Variants in TTN observed in about 807,000 individuals in gnomAD.
TTN encodes titin, also known as connectin.
TTN carries 1,525 observed loss-of-function variants against 3,223.0 expected under a neutral mutation model. The observed-to-expected ratio is 0.47, with a 90% CI of 0.45 to 0.49. The LOEUF (loss-of-function observed/expected upper bound fraction) is 0.49, where lower values mean the gene tolerates loss of function less well. TTN is among the 20% of genes least tolerant of loss of function. The pLI is 0.00. For synonymous variants in TTN, 14,094 were observed against 15,161.0 expected (o/e 0.93, Z 5.17); for missense variants, 40,786 against 43,424.0 (o/e 0.94, Z 5.40).
chr2:178,573,314 T>C lies in TTN; in HGVS notation c.72818A>G (p.Asn24273Ser). 9 of 1,572,608 alleles carry C rather than the reference T, an allele frequency of 5.7e-6. No individual in the cohort carries two copies. Among genetic ancestry groups the C allele is most frequent in the Non-Finnish European group, 7.8e-6 (9 of 1,159,888 alleles). ...TCTTAAATCAGTAAGAGTTTTTTTGTTGCATTTAATCCAGCGTTGGCCAGC... is the reference window on the plus strand; with the variant it reads ...TCTTAAATCAGTAAGAGTTTTTTTGCTGCATTTAATCCAGCGTTGGCCAGC... The part of the protein sequence containing the change: ...DKAGQRWIKC[N>S]KKTLTDLRYK... The change falls in exon 326 of 363, where the codon AAC becomes AGC. Residue 24273 changes from asparagine to serine, a missense_variant. Asn to Ser is a conservative substitution (Grantham distance 46, BLOSUM62 1). Transcript: ENST00000589042.
rs2064778613 is a variant in TTN at position 178,661,764 on chromosome 2, A to G, written c.37280T>C (p.Val12427Ala). 1.2e-6 allele frequency: 2 copies of G among 1,607,626 alleles called. No individual in the cohort carries two copies. Among genetic ancestry groups the G allele is most frequent in the Non-Finnish European group, 1.7e-6 (2 of 1,178,354 alleles). Residue 12427 changes from valine (V) to alanine (A), a missense_variant, in exon 180 of 363, where the codon GTT becomes GCT. Val to Ala is a moderately conservative substitution (Grantham distance 64). Transcript: ENST00000589042. ...CTAAAATCAGTGACAAATACCTTTAACAGGTGGGACTTCAGGCTTTTTAGG... is the reference window on the plus strand; with the variant it reads ...CTAAAATCAGTGACAAATACCTTTAGCAGGTGGGACTTCAGGCTTTTTAGG... Reference protein sequence around the residue: ...APPKKPEVPPVKVPEAPKEVV... With the variant: ...APPKKPEVPPAKVPEAPKEVV...
At chr2:178,661,165 C>T (rs1417440054) in intron 180 of TTN, among the ~76,000 whole-genome samples, 61 of 5,908 alleles carry the variant, frequency 0.01, no homozygotes, top group East Asian at 0.046. Context: ...CCCAGCCATC[C>T]CATTACTGGG....
At position 178,583,890 on chromosome 2, in the gene TTN, A is replaced by C. The variant is rs1309504589; in HGVS notation, c.65292T>G (p.Pro21764=). Reference sequence around the variant, plus strand: ...TACTCTTGGTGACATCAATAACCTCAGGTTTCCCAGGAGGATCTAAAACAA... The same window carrying C: ...TACTCTTGGTGACATCAATAACCTCCGGTTTCCCAGGAGGATCTAAAACAA... ...ARMPVDPPGK[P]EVIDVTKSTV... The change falls in exon 312 of 363, where the codon CCT becomes CCG. Residue 21764 remains proline (P), a synonymous_variant. Coordinates refer to ENST00000589042, the MANE Select transcript of TTN (RefSeq NM_001267550.2). 6.3e-7 allele frequency: 1 copy of C among 1,579,980 alleles called. No homozygotes were observed. Among genetic ancestry groups the C allele is most frequent in the Non-Finnish European group, 8.6e-7 (1 of 1,159,476 alleles).
In TTN at chr2:178,598,670, A is replaced by G. The variant is rs767459651; in HGVS notation, c.56963-16T>C. ...CCAGGAGGGGCTGCAAAGAGCCAGT[A>G]TACGTTAGTATTCTTGACTTTTCCA... On this transcript the variant is annotated splice_polypyrimidine_tract_variant and intron_variant, in intron 291 of 362. Transcript: ENST00000589042. The G allele has an allele frequency of 2.1e-5, 34 of 1,602,528 alleles. No individual in the cohort carries two copies. Among genetic ancestry groups the G allele is most frequent in the Non-Finnish European group, 2.9e-5 (34 of 1,176,850 alleles).
At chr2:178,796,080 T>G (rs1336571416) in intron 6 of TTN, among the ~76,000 whole-genome samples, 2 of 152,218 alleles carry the variant, frequency 1.3e-5, no homozygotes, top group Non-Finnish European at 1.5e-5. Context: ...GCTTTTTAGG[T>G]GTATCCAAAG....
chr2:178,757,227 A>ATACTGTACTTGCTTTAAGTAAAGTAAG (rs1553968975), intron 45 of TTN, among the ~76,000 whole-genome samples: 1 of 150,194 alleles, frequency 6.7e-6, no homozygotes, highest in Admixed American at 6.6e-5. Flanking sequence ...ACAGTAAGTA[A>ATACTGTACTTGCTTTAAGTAAAGTAAG]TAATCAGCAA....
In TTN at chr2:178,594,486, A is replaced by G. The variant is rs770525693; in HGVS notation, c.58008T>C (p.Asn19336=). ...TGTATTTTCTGCTAAGCAAGTTGTC[A>G]TTTGTAACTTTGTGGAACTTCTCAG... ...IGTEKFHKVT[N]DNLLSRKYTV... is the part of the protein sequence containing the mutation. Residue 19336 remains asparagine, a synonymous_variant, in exon 296 of 363, where the codon AAT becomes AAC. Transcript: ENST00000589042. The G allele has an allele frequency of 1.7e-5, 27 of 1,613,220 alleles. No individual in the cohort carries two copies. Among genetic ancestry groups the G allele is most frequent in the African/African-American group, 5.3e-5 (4 of 74,880 alleles).
At chr2:178,651,395 C>G (rs2062923552) in intron 207 of TTN, 58 bp downstream of exon 207, 3 of 1,601,770 alleles carry the variant, frequency 1.9e-6, no homozygotes, top group South Asian at 1.1e-5. Context: ...AGAACAAAAC[C>G]CTTTTAGAAG....
At chr2:178,596,076 C>T (rs1170313525) in intron 294 of TTN, among the ~76,000 whole-genome samples, 16 of 150,926 alleles carry the variant, frequency 1.1e-4, no homozygotes, top group African/African-American at 3.4e-4. Context: ...CTGCAACCTC[C>T]GCTTCCCAGG....
At position 178,585,339 on chromosome 2, in the gene TTN, T is replaced by A. The variant is rs2048689214; in HGVS notation, c.64405A>T (p.Lys21469Ter). 1 of 1,572,880 alleles carries A rather than the reference T, an allele frequency of 6.4e-7. No homozygotes were observed. Among genetic ancestry groups the A allele is most frequent in the South Asian group, 1.2e-5 (1 of 83,878 alleles). Residue 21469 changes from lysine (K) to a stop codon, truncating the protein, a stop_gained, in exon 309 of 363, where the codon AAG (lysine) becomes TAG (stop). Coordinates refer to ENST00000589042, the MANE Select transcript of TTN (RefSeq NM_001267550.2). LOFTEE classifies it high-confidence loss of function. ...YEAKEQLLPP[K>*]ILMPEQITIK... ...GTTATTTGCTCTGGCATAAGGATCTTTGGTGGCACTGAAAGTAAAATGAAA... is the reference window on the plus strand; with the variant it reads ...GTTATTTGCTCTGGCATAAGGATCTATGGTGGCACTGAAAGTAAAATGAAA...
At chr2:178,751,779 T>A in intron 47 of TTN, 1 of 1,613,234 alleles carries the variant, frequency 6.2e-7, no homozygotes. Flanking sequence ...ATGGGCCGAT[T>A]GTTATGAAAC....
chr2:178,710,660 A>G lies in TTN; in HGVS notation c.28437T>C (p.Ser9479=). The G allele has an allele frequency of 6.2e-7, 1 of 1,612,528 alleles. No individual in the cohort carries two copies. Among genetic ancestry groups the G allele is most frequent in the Admixed American group, 1.7e-5 (1 of 60,014 alleles). Residue 9479 remains serine, a synonymous_variant, in exon 98 of 363, where the codon TCT becomes TCC. Transcript: ENST00000589042. ...CYAVNEVGKD[S]CTAQLNIKER... is the part of the protein sequence containing the mutation. Reference sequence around the variant, plus strand: ...CTTTTATATTCAGCTGAGCTGTGCAAGAGTCTTTTCCCACTTCATTCACAG... The same window carrying G: ...CTTTTATATTCAGCTGAGCTGTGCAGGAGTCTTTTCCCACTTCATTCACAG...
At position 178,632,394 on chromosome 2, in the gene TTN, G is replaced by T; in HGVS notation, c.43500C>A (p.Leu14500=). 1 of 1,592,460 alleles carries T rather than the reference G, an allele frequency of 6.3e-7. No individual in the cohort carries two copies. The highest frequency in any genetic ancestry group is 8.5e-7 in the Non-Finnish European group (1 of 1,170,756). Residue 14500 remains leucine, a synonymous_variant, in exon 236 of 363, where the codon CTC becomes CTA. Coordinates refer to ENST00000589042, the MANE Select transcript of TTN (RefSeq NM_001267550.2). ...LIIEGIRLKF[L]TPLKDVTAKE... ...TGGCAGTTACATCTTTGAGAGGGGT[G>T]AGGAATTTGAGCCGGATTCCTATCA...
In TTN at chr2:178,735,984, G is replaced by A. The variant is rs1358712791; in HGVS notation, c.14462C>T (p.Thr4821Ile). ...CTGCCAAATGGTTTCTATCACAGGAGTCCCTGTCACTGTGCAGATGAACTT... is the reference window on the plus strand; with the variant it reads ...CTGCCAAATGGTTTCTATCACAGGAATCCCTGTCACTGTGCAGATGAACTT... Reference protein sequence around the residue: ...AAKFICTVTGTPVIETIWQKD... With the variant: ...AAKFICTVTGIPVIETIWQKD... Residue 4821 changes from threonine (T) to isoleucine (I), a missense_variant, in exon 50 of 363, where the codon ACT (threonine) becomes ATT (isoleucine). Physicochemically the swap from Thr to Ile is moderately conservative, Grantham distance 89. Transcript: ENST00000589042. The A allele has an allele frequency of 6.2e-7, 1 of 1,613,718 alleles. No individual in the cohort carries two copies. The highest frequency in any genetic ancestry group is 8.5e-7 in the Non-Finnish European group (1 of 1,179,806).
chr2:178,663,971 CAGA>C (rs2065324339), intron 169 of TTN, 41 bp downstream of exon 169: 5 of 1,611,936 alleles, frequency 3.1e-6, no homozygotes, highest in East Asian at 2.2e-5. Context: ...TTGTCAAGAG[CAGA>C]AGAATTAGGT....
chr2:178,638,614 G>GATC (rs1195600223), intron 223 of TTN, among the ~76,000 whole-genome samples: 1 of 150,010 alleles, frequency 6.7e-6, no homozygotes, highest in African/African-American at 2.5e-5. Flanking sequence ...CAGTGGAGAT[G>GATC]ATCATTTTTC....
In TTN at chr2:178,557,033, C is replaced by G; in HGVS notation, c.88121G>C (p.Arg29374Thr). The G allele has an allele frequency of 1.2e-6, 2 of 1,613,812 alleles. No individual in the cohort carries two copies. The highest frequency in any genetic ancestry group is 2.2e-5 in the East Asian group (1 of 44,774). ...GSKITGYIVE[R>T]RDLPDGRWTK... The stretch of plus-strand genomic sequence containing the variant: ...CCATCTGCCATCTGGAAGGTCACGT[C>G]TCTCAACAATGTAGCCTGTAATCTT... The change falls in exon 330 of 363, where the codon AGA becomes ACA. Residue 29374 changes from arginine (R) to threonine (T), a missense_variant. Arg to Thr is a moderately conservative substitution (Grantham distance 71). Coordinates refer to ENST00000589042, the MANE Select transcript of TTN (RefSeq NM_001267550.2).
rs769151285 is a variant in TTN, at chr2:178,712,376, G to T, written c.27546C>A (p.Tyr9182Ter). Residue 9182 changes from tyrosine (Y) to a stop codon, truncating the protein, a stop_gained, in exon 95 of 363, where the codon TAC (tyrosine) becomes TAA (stop). Transcript: ENST00000589042. LOFTEE classifies it high-confidence loss of function. The stretch of plus-strand genomic sequence containing the variant: ...CAGAGGCATTTTCAATGTAGCAGTT[G>T]TATTGTCCTGCATCCTCTACTGTGC... Reference protein sequence around the residue: ...PSSTVEDAGQYNCYIENASGK... With the variant: ...PSSTVEDAGQ 1.9e-6 allele frequency: 3 copies of T among 1,613,800 alleles called. No homozygotes were observed. Among genetic ancestry groups the T allele is most frequent in the South Asian group, 1.1e-5 (1 of 91,074 alleles).
rs2091182281 is a variant in TTN, at chr2:178,769,705, T to A, written c.8876A>T (p.Gln2959Leu). Residue 2959 changes from glutamine to leucine, a missense_variant, in exon 37 of 363, where the codon CAA becomes CTA. By Grantham distance (113) the Gln-to-Leu change is moderately radical (BLOSUM62 -2). Transcript: ENST00000589042. ...AEYTFVCGND[Q>L]VSATLTVTPI... ...GGTGACTGTCAGGGTGGCACTGACTTGGTCATTGCCACAGACAAATGTGTA... is the reference window on the plus strand; with the variant it reads ...GGTGACTGTCAGGGTGGCACTGACTAGGTCATTGCCACAGACAAATGTGTA... 2 of 1,613,474 alleles carry A rather than the reference T, an allele frequency of 1.2e-6. No homozygotes were observed. The highest frequency in any genetic ancestry group is 4.5e-5 in the East Asian group (2 of 44,830).
Sources: gnomAD v4.1 joint callset for allele counts (sites outside exome capture counted in the v4.1 genomes callset) on GRCh38, gnomAD v4.1.1 for gene constraint, MANE v1.5 for transcripts, NCBI Gene and HGNC (gene_info 2026-07-23, HGNC 2026-07-21) for gene names.